The following BST1 variants were observed in gnomAD, a reference collection of about 807,000 sequenced individuals.
The protein encoded by BST1 is bone marrow stromal cell antigen 1.
BST1 carries 49 observed loss-of-function variants against 40.6 expected under a neutral mutation model. That is an observed-to-expected ratio of 1.21 (90% CI 0.96 to 1.53). BST1 has a LOEUF of 1.53. BST1 is among the 40% of genes most tolerant of loss of function. The pLI, the probability that BST1 is intolerant of heterozygous loss-of-function variation, is 0.00. For missense variants in BST1, 423 were observed against 395.9 expected, an observed-to-expected ratio of 1.07 and a Z score of -0.58; for synonymous variants, 157 against 159.3, an observed-to-expected ratio of 0.99 and a Z score of 0.11.
intron 8 of BST1, 66 bp from the exon 9 acceptor site, chr4:15,731,674 A>G (rs4395498): frequency 0.039 from 59,720 of 1,535,420 alleles, 2,721 homozygotes; most frequent in East Asian, 0.26. Context: ...TACTGCACAT[A>G]TATTTTTGAG....
chr4:15,773,276 G>A, the BST1 span, among the ~76,000 whole-genome samples: 1 of 152,260 alleles, frequency 6.6e-6, no homozygotes, highest in Non-Finnish European at 1.5e-5. Context: ...GAAAATTCTA[G>A]CTTGAGTAAC....
At chr4:15,704,391 A>T (rs1719758358) in intron 1 of BST1, among the ~76,000 whole-genome samples, 1 of 112,958 alleles carries the variant, frequency 8.9e-6, no homozygotes. Context: ...TGTGTTCTAG[A>T]GGTAAGGGAT....
At chr4:15,765,134 A>G in the BST1 span, among the ~76,000 whole-genome samples, 2 of 151,804 alleles carry the variant, frequency 1.3e-5, no homozygotes, top group Non-Finnish European at 2.9e-5. Context: ...TTGTCTCAAC[A>G]TTTTCACTTG....
At chr4:15,738,752 A>G (rs1202778183), downstream of BST1, among the ~76,000 whole-genome samples, 3 of 152,188 alleles carry the variant, frequency 2.0e-5, no homozygotes, top group African/African-American at 7.2e-5. Context: ...CAACAATGAA[A>G]ATTTCCAAAG....
At chr4:15,769,425 G>A in the BST1 span, among the ~76,000 whole-genome samples, 1 of 152,210 alleles carries the variant, frequency 6.6e-6, no homozygotes, top group Non-Finnish European at 1.5e-5. Flanking sequence ...GAAGAGAGGA[G>A]GCTCCCCCAT....
chr4:15,706,539 C>T (rs1719890276), intron 2 of BST1, among the ~76,000 whole-genome samples: 1 of 152,142 alleles, frequency 6.6e-6, no homozygotes, highest in African/African-American at 2.4e-5. Flanking sequence ...AGAAAATTTC[C>T]ATAAAACCCT....
In BST1 at chr4:15,711,802, C is replaced by G; in HGVS notation, c.452-5C>G. 6.2e-7 allele frequency: 1 copy of G among 1,610,580 alleles called. No individual in the cohort carries two copies. The highest frequency in any genetic ancestry group is 8.5e-7 in the Non-Finnish European group (1 of 1,176,822). On this transcript the variant is annotated splice_polypyrimidine_tract_variant and splice_region_variant and intron_variant, in intron 3 of 8. Transcript: ENST00000265016. The stretch of plus-strand genomic sequence containing the variant: ...ATAAAATGTGTTTGTCTACTTACCC[C>G]TTAGGACTCGATTACCAATCCTGCC...
At chr4:15,729,953 C>A (rs952058307) in intron 8 of BST1, among the ~76,000 whole-genome samples, 7 of 152,122 alleles carry the variant, frequency 4.6e-5, no homozygotes, top group Non-Finnish European at 5.9e-5. Flanking sequence ...ATTAGTGTAT[C>A]TAATTATGTG....
chr4:15,703,187 C>G lies in BST1; in HGVS notation c.43C>G (p.Leu15Val), dbSNP rs1719636492. 1 of 1,559,494 alleles carries G rather than the reference C, an allele frequency of 6.4e-7. No individual in the cohort carries two copies. The highest frequency in any genetic ancestry group is 8.7e-7 in the Non-Finnish European group (1 of 1,153,428). The change falls in exon 1 of 9, where the codon CTG becomes GTG. Residue 15 changes from leucine (L) to valine (V), a missense_variant. By Grantham distance (32) the Leu-to-Val change is conservative. Transcript: ENST00000265016. ...GCAASRLLQL[L>V]LQLLLLLLLL... ...CGCGGCATCGCGGCTGCTCCAGCTG[C>G]TGCTGCAGCTTCTGCTTCTACTGTT...
the BST1 span, among the ~76,000 whole-genome samples, chr4:15,761,730 T>C: frequency 6.6e-6 from 1 of 151,898 alleles, no homozygotes; most frequent in African/African-American, 2.4e-5. Context: ...AATATAGACA[T>C]GCACAGAACA....
chr4:15,764,563 C>G, the BST1 span, among the ~76,000 whole-genome samples: 1 of 151,918 alleles, frequency 6.6e-6, no homozygotes, highest in Non-Finnish European at 1.5e-5. Context: ...TAAAGAATGG[C>G]TCATATATAA....
At chr4:15,755,369 C>T in the BST1 span, among the ~76,000 whole-genome samples, 1 of 152,192 alleles carries the variant, frequency 6.6e-6, no homozygotes, top group Non-Finnish European at 1.5e-5. Flanking sequence ...GAACTCCTGA[C>T]CTCTTGATCC....
chr4:15,751,432 T>A, the BST1 span, among the ~76,000 whole-genome samples: 1 of 152,080 alleles, frequency 6.6e-6, no homozygotes, highest in African/African-American at 2.4e-5. Context: ...GGTGGTACCA[T>A]GAAAGAAGAC....
chr4:15,751,529 C>T, the BST1 span, among the ~76,000 whole-genome samples: 1 of 152,016 alleles, frequency 6.6e-6, no homozygotes, highest in Admixed American at 6.6e-5. Flanking sequence ...TGGGAAGATT[C>T]AATACTCTTC....
chr4:15,714,782 C>T (rs752322567), intron 4 of BST1, among the ~76,000 whole-genome samples: 1 of 152,104 alleles, frequency 6.6e-6, no homozygotes, highest in African/African-American at 2.4e-5. Flanking sequence ...CAATCAGTTG[C>T]GAGCGGGAGT....
chr4:15,745,623 G>C, the BST1 span, among the ~76,000 whole-genome samples: 1 of 152,126 alleles, frequency 6.6e-6, no homozygotes, highest in Admixed American at 6.5e-5. Context: ...CATGACTAAC[G>C]GATCAGAACC....
chr4:15,737,085 C>T (rs536559828), downstream of BST1, among the ~76,000 whole-genome samples: 5 of 152,270 alleles, frequency 3.3e-5, no homozygotes, highest in African/African-American at 7.2e-5. Flanking sequence ...GCTGCATCAC[C>T]GTGTGTGTAA....
chr4:15,751,536 C>G, the BST1 span, among the ~76,000 whole-genome samples: 10 of 152,070 alleles, frequency 6.6e-5, no homozygotes, highest in African/African-American at 2.2e-4. Context: ...ATTCAATACT[C>G]TTCCTACATA....
chr4:15,705,402 T>C, intron 1 of BST1, 113 bp from the exon 2 acceptor site: 1 of 1,240,730 alleles, frequency 8.1e-7, no homozygotes, highest in African/African-American at 1.5e-5. Context: ...TAAGCCTACT[T>C]CTGCAGTTAC....
Sources: gnomAD v4.1 joint callset for allele counts (sites outside exome capture counted in the v4.1 genomes callset) on GRCh38, gnomAD v4.1.1 for gene constraint, MANE v1.5 for transcripts, NCBI Gene and HGNC (gene_info 2026-07-23, HGNC 2026-07-21) for gene names.